The following PCDH17 variants were observed in gnomAD, a reference collection of about 807,000 sequenced individuals.
The protein encoded by PCDH17 is protocadherin 17, also known as protocadherin-17.
PCDH17 carries 21 observed loss-of-function variants against 67.7 expected under a neutral mutation model. The ratio of observed to expected loss-of-function variants is 0.31; its 90% CI spans 0.22 to 0.45. The LOEUF (loss-of-function observed/expected upper bound fraction) is 0.45, where lower values mean the gene tolerates loss of function less well. PCDH17 is among the 20% of genes least tolerant of loss of function. PCDH17 has a pLI of 1.00. For synonymous variants in PCDH17, 701 were observed against 656.7 expected, an observed-to-expected ratio of 1.07 and a Z score of -1.03; for missense variants, 1,471 against 1,564.8, an observed-to-expected ratio of 0.94 and a Z score of 1.01.
chr13:57,689,080 C>A (rs1009465168), intron 3 of PCDH17, among the ~76,000 whole-genome samples: 1 of 151,986 alleles, frequency 6.6e-6, no homozygotes, highest in African/African-American at 2.4e-5. Context: ...TTTTAGCATT[C>A]TTGCTGTTGC....
chr13:57,640,582 C>T (rs948557696), intron 1 of PCDH17, among the ~76,000 whole-genome samples: 1 of 151,936 alleles, frequency 6.6e-6, no homozygotes, highest in Admixed American at 6.6e-5. Context: ...AATTTGAAGT[C>T]CCATAAAATA....
rs916832632 is a variant in PCDH17, at chr13:57,634,106, T to C, written c.1560T>C (p.Ser520=). Residue 520 remains serine, a synonymous_variant, in exon 1 of 4, where the codon TCT becomes TCC. Transcript: ENST00000377918. This position sits in a 1 kb window ranked among gnomAD's most constrained non-coding sequence, Gnocchi z 7.8. ...TGCCCTCGCACATCGGCGACGTGTC[T>C]ATCTACACCTATGTGTCTGTGAATC... is the stretch of plus-strand genomic sequence containing the variant. ...SILPSHIGDV[S]IYTYVSVNPT... is the part of the protein sequence containing the mutation. 9.9e-6 allele frequency: 16 copies of C among 1,611,236 alleles called. No homozygotes were observed. The highest frequency in any genetic ancestry group is 1.2e-5 in the Non-Finnish European group (14 of 1,179,196).
At chr13:57,651,182 CATAGT>C (rs1256029016) in intron 1 of PCDH17, among the ~76,000 whole-genome samples, 2 of 152,060 alleles carry the variant, frequency 1.3e-5, no homozygotes, top group Non-Finnish European at 2.9e-5. Flanking sequence ...CTAAACACAG[CATAGT>C]AAACTGCATT....
chr13:57,713,744 C>T (rs1353310747), intron 3 of PCDH17, among the ~76,000 whole-genome samples: 1 of 151,388 alleles, frequency 6.6e-6, no homozygotes, highest in South Asian at 2.1e-4. Context: ...TGCACATGTA[C>T]GCGTATGCAT....
chr13:57,655,203 A>G (rs1227076291), intron 1 of PCDH17, among the ~76,000 whole-genome samples: 1 of 71,230 alleles, frequency 1.4e-5, no homozygotes, highest in African/African-American at 6.5e-5. Context: ...GCACCTACAA[A>G]GGTGACAGTT....
chr13:57,675,512 T>C (rs1363084879), intron 3 of PCDH17, among the ~76,000 whole-genome samples: 1 of 151,902 alleles, frequency 6.6e-6, no homozygotes, highest in Non-Finnish European at 1.5e-5. Context: ...ACAAAATTCA[T>C]GTAGAATGAA....
chr13:57,669,351 A>ATC (rs954550690), intron 3 of PCDH17, among the ~76,000 whole-genome samples: 2 of 150,800 alleles, frequency 1.3e-5, no homozygotes, highest in East Asian at 2.0e-4. Flanking sequence ...CAGATGGGTG[A>ATC]TCTCTCTCTC....
chr13:57,680,737 T>C (rs186379152), intron 3 of PCDH17, among the ~76,000 whole-genome samples: 23 of 151,818 alleles, frequency 1.5e-4, no homozygotes, highest in African/African-American at 5.1e-4. Flanking sequence ...TATCATGTCA[T>C]TTAATTGCTG....
At chr13:57,651,575 C>A (rs925174180) in intron 1 of PCDH17, among the ~76,000 whole-genome samples, 1 of 151,868 alleles carries the variant, frequency 6.6e-6, no homozygotes, top group Non-Finnish European at 1.5e-5. Context: ...AGGTCTCAAG[C>A]CATCCATCCG....
rs752772444 is a variant in PCDH17 at position 57,634,025 on chromosome 13, T to G, written c.1479T>G (p.Ser493=). 10 of 1,613,356 alleles carry G rather than the reference T, an allele frequency of 6.2e-6. No individual in the cohort carries two copies. In the African/African-American group the frequency reaches 1.2e-4, roughly 19 times the overall value. Residue 493 remains serine, a synonymous_variant, in exon 1 of 4, where the codon TCT becomes TCG. Transcript: ENST00000377918. The surrounding 1 kb of genome is among the most constrained non-coding windows in gnomAD (Gnocchi z 7.8). The part of the protein sequence containing the change: ...ENNIPGEYLG[S]VLAQDPDLGQ... ...ACATCCCGGGAGAGTACCTGGGCTC[T>G]GTGCTCGCCCAGGATCCCGACCTGG...
intron 3 of PCDH17, among the ~76,000 whole-genome samples, chr13:57,719,260 A>G (rs892420530): frequency 6.6e-6 from 1 of 152,090 alleles, no homozygotes; most frequent in Non-Finnish European, 1.5e-5. Context: ...TAATAGGAGA[A>G]CACAATTTCT....
At chr13:57,722,472 TTATC>T (rs1955879137) in intron 3 of PCDH17, among the ~76,000 whole-genome samples, 1 of 152,216 alleles carries the variant, frequency 6.6e-6, no homozygotes, top group Admixed American at 6.5e-5. Context: ...TTGTTGAAAG[TTATC>T]TATTTGTTGA....
chr13:57,699,128 T>C (rs985879316), intron 3 of PCDH17, among the ~76,000 whole-genome samples: 2 of 151,936 alleles, frequency 1.3e-5, no homozygotes, highest in Admixed American at 6.6e-5. Context: ...ATCTCGATGG[T>C]TTCAGCTTGT....
intron 3 of PCDH17, among the ~76,000 whole-genome samples, chr13:57,695,731 A>G (rs1955600582): frequency 1.3e-5 from 2 of 151,442 alleles, no homozygotes; most frequent in East Asian, 1.9e-4. Context: ...AATTGCCACT[A>G]CCACGTCTCT....
intron 1 of PCDH17, among the ~76,000 whole-genome samples, chr13:57,653,231 A>C (rs1955063480): frequency 6.6e-6 from 1 of 152,132 alleles, no homozygotes; most frequent in Admixed American, 6.5e-5. Flanking sequence ...ATTTTATTCT[A>C]GTCAAAATGG....
chr13:57,670,467 T>C (rs1955306900), intron 3 of PCDH17, among the ~76,000 whole-genome samples: 1 of 151,450 alleles, frequency 6.6e-6, no homozygotes, highest in Admixed American at 6.6e-5. Flanking sequence ...TGTTTCTCAG[T>C]CTTTTTCTCT....
At chr13:57,659,398 T>C (rs1955156129) in intron 1 of PCDH17, among the ~76,000 whole-genome samples, 1 of 152,158 alleles carries the variant, frequency 6.6e-6, no homozygotes, top group Admixed American at 6.5e-5. Context: ...TGTCTAATTT[T>C]ATAGAAATCC....
chr13:57,680,611 G>A (rs1444569548), intron 3 of PCDH17, among the ~76,000 whole-genome samples: 1 of 151,394 alleles, frequency 6.6e-6, no homozygotes, highest in Non-Finnish European at 1.5e-5. Context: ...AAGTTTTAGG[G>A]TACATGTGCA....
intron 1 of PCDH17, among the ~76,000 whole-genome samples, chr13:57,639,090 A>C (rs1321634543): frequency 6.6e-6 from 1 of 151,882 alleles, no homozygotes; most frequent in African/African-American, 2.4e-5. Context: ...ATACATCTCT[A>C]CTTGTAGGCA....
Sources: gnomAD v4.1 joint callset for allele counts (sites outside exome capture counted in the v4.1 genomes callset) on GRCh38, gnomAD v4.1.1 for gene constraint, Gnocchi (gnomAD v3.1) non-coding constraint, MANE v1.5 for transcripts, NCBI Gene and HGNC (gene_info 2026-07-23, HGNC 2026-07-21) for gene names.